Variants in PLD5 observed in about 807,000 individuals in gnomAD.
The protein encoded by PLD5 is phospholipase D family member 5.
Under a neutral mutation model 61.1 loss-of-function variants are expected in PLD5, and 36 were observed. The observed-to-expected ratio is 0.59, with a 90% confidence interval of 0.45 to 0.78. The LOEUF is 0.78. PLD5 is among the 30% of genes least tolerant of loss of function. The pLI is 0.00. For missense variants in PLD5, 515 were observed against 644.4 expected, an observed-to-expected ratio of 0.80 and a Z score of 2.17; for synonymous variants, 243 against 242.8, an observed-to-expected ratio of 1.00 and a Z score of -0.01.
chr1:242,199,681 C>G (rs1327273880), intron 5 of PLD5, among the ~76,000 whole-genome samples: 1 of 152,128 alleles, frequency 6.6e-6, no homozygotes, highest in Non-Finnish European at 1.5e-5. Context: ...TCCCACCCCT[C>G]GAAGTCCCCA....
At chr1:242,421,569 T>C (rs1033756505) in intron 1 of PLD5, among the ~76,000 whole-genome samples, 3 of 152,184 alleles carry the variant, frequency 2.0e-5, no homozygotes, top group Admixed American at 1.3e-4. Context: ...CGGGATTTCA[T>C]AGGGTAGGGA....
At chr1:242,363,444 C>G (rs1476602675) in intron 1 of PLD5, among the ~76,000 whole-genome samples, 1 of 145,666 alleles carries the variant, frequency 6.9e-6, no homozygotes, top group Non-Finnish European at 1.5e-5. Context: ...ATGGTGAGAC[C>G]CTGTCTCTTT....
At chr1:242,431,279 T>C (rs1219600202) in intron 1 of PLD5, among the ~76,000 whole-genome samples, 1 of 152,194 alleles carries the variant, frequency 6.6e-6, no homozygotes, top group Non-Finnish European at 1.5e-5. Context: ...CTGCATAAAA[T>C]AAGCCTGGGT....
At chr1:242,103,192 C>T (rs150516691) in intron 8 of PLD5, among the ~76,000 whole-genome samples, 245 of 152,266 alleles carry the variant, frequency 1.6e-3, no homozygotes, top group African/African-American at 5.6e-3. Flanking sequence ...CCTCTGAGTG[C>T]GAGTGTACTG....
At chr1:242,155,296 C>A (rs1304083619) in intron 5 of PLD5, among the ~76,000 whole-genome samples, 2 of 152,074 alleles carry the variant, frequency 1.3e-5, no homozygotes, top group Admixed American at 6.6e-5. Context: ...TTCAAAAAAA[C>A]CAGATCCTGG....
chr1:242,107,204 G>A (rs190907219), intron 8 of PLD5, among the ~76,000 whole-genome samples: 16 of 152,178 alleles, frequency 1.1e-4, no homozygotes, highest in African/African-American at 3.9e-4. Flanking sequence ...GGCCGGGTGC[G>A]GTGGCTCATG....
At chr1:242,391,765 G>GT (rs36007734) in intron 1 of PLD5, among the ~76,000 whole-genome samples, 11,812 of 152,264 alleles carry the variant, frequency 0.078, 489 homozygotes, top group South Asian at 0.16. Flanking sequence ...CTTGGGCAAT[G>GT]TTTTGGGGAG....
At chr1:242,363,125 C>T (rs564919061) in intron 1 of PLD5, among the ~76,000 whole-genome samples, 1 of 152,074 alleles carries the variant, frequency 6.6e-6, no homozygotes, top group Non-Finnish European at 1.5e-5. Flanking sequence ...GATTGGCACA[C>T]AGCTGTAAGG....
At chr1:242,508,607 C>A (rs984973437) in intron 1 of PLD5, among the ~76,000 whole-genome samples, 6 of 152,166 alleles carry the variant, frequency 3.9e-5, no homozygotes, top group Admixed American at 6.5e-5. Flanking sequence ...GTCTGCAAAT[C>A]TTTTTGCCTG....
intron 1 of PLD5, among the ~76,000 whole-genome samples, chr1:242,463,726 G>A (rs1412616632): frequency 6.6e-6 from 1 of 150,672 alleles, no homozygotes; most frequent in Non-Finnish European, 1.5e-5. Context: ...TCCCATCCTC[G>A]TGTACACTCA....
intron 3 of PLD5, among the ~76,000 whole-genome samples, chr1:242,267,156 A>G (rs1673735021): frequency 6.7e-6 from 1 of 149,354 alleles, no homozygotes; most frequent in South Asian, 2.2e-4. Flanking sequence ...AAGAGAGAGA[A>G]AAGAGAGAAA....
chr1:242,357,863 T>A (rs115695225), intron 1 of PLD5, among the ~76,000 whole-genome samples: 3,181 of 152,298 alleles, frequency 0.021, 75 homozygotes, highest in Admixed American at 0.074. Flanking sequence ...TTGTGAAATG[T>A]GTATTATGCA....
intron 1 of PLD5, among the ~76,000 whole-genome samples, chr1:242,465,854 G>A (rs1390008334): frequency 1.3e-5 from 2 of 152,184 alleles, no homozygotes; most frequent in African/African-American, 2.4e-5. Context: ...GCTTGAACCT[G>A]GGAGGCGGAG....
At chr1:242,513,424 C>A (rs1669000397) in intron 1 of PLD5, among the ~76,000 whole-genome samples, 1 of 122,952 alleles carries the variant, frequency 8.1e-6, no homozygotes, top group African/African-American at 3.7e-5. Context: ...CCATTGAGGG[C>A]AGAGATAGAC....
At chr1:242,317,564 C>T (rs534018694) in intron 2 of PLD5, among the ~76,000 whole-genome samples, 4 of 152,122 alleles carry the variant, frequency 2.6e-5, no homozygotes, top group Non-Finnish European at 5.9e-5. Context: ...TATCTCATCT[C>T]AGAATGAATG....
At chr1:242,331,080 T>C (rs771450372) in intron 2 of PLD5, among the ~76,000 whole-genome samples, 7 of 152,158 alleles carry the variant, frequency 4.6e-5, no homozygotes, top group Non-Finnish European at 7.4e-5. Context: ...GATATGCTAT[T>C]TCCACACTGC....
chr1:242,263,171 C>T (rs1325009078), intron 4 of PLD5, among the ~76,000 whole-genome samples: 1 of 152,148 alleles, frequency 6.6e-6, no homozygotes, highest in Non-Finnish European at 1.5e-5. Context: ...CTTACACCTG[C>T]ACTAAATCTT....
At chr1:242,347,958 T>C in intron 2 of PLD5, 148 bp downstream of exon 2, 1 of 805,356 alleles carries the variant, frequency 1.2e-6, no homozygotes, top group South Asian at 2.0e-5. Flanking sequence ...AAAGTAAGAG[T>C]ACTAGTGGAC....
intron 5 of PLD5, among the ~76,000 whole-genome samples, chr1:242,207,268 C>T (rs957572301): frequency 2.6e-5 from 4 of 152,192 alleles, no homozygotes; most frequent in African/African-American, 9.6e-5. Context: ...CCCTGCCACT[C>T]CCTCCTTAAT....
Sources: allele counts gnomAD v4.1 joint callset (sites outside exome capture counted in the v4.1 genomes callset), GRCh38; gene constraint gnomAD v4.1.1; transcripts MANE v1.5; gene names NCBI Gene and HGNC (gene_info 2026-07-23, HGNC 2026-07-21).